Variants in NELL2 observed in about 807,000 individuals in gnomAD.
NELL2 encodes the protein protein kinase C-binding protein NELL2.
NELL2 carries 41 observed loss-of-function variants against 109.6 expected under a neutral mutation model. The observed-to-expected ratio is 0.37, with a 90% CI of 0.29 to 0.49. The LOEUF (loss-of-function observed/expected upper bound fraction) is 0.49, where lower values mean the gene tolerates loss of function less well. Ranked by LOEUF, NELL2 falls within the 20% of genes least tolerant of loss-of-function variation. The pLI is 0.98. For synonymous variants in NELL2, 355 were observed against 344.7 expected (o/e 1.03, Z -0.33); for missense variants, 900 against 1,008.3 (o/e 0.89, Z 1.45).
At chr12:44,587,958 T>G (rs967900011) in intron 15 of NELL2, among the ~76,000 whole-genome samples, 4 of 152,124 alleles carry the variant, frequency 2.6e-5, no homozygotes, top group Admixed American at 1.3e-4. Context: ...GAGACCATCC[T>G]GGCTAACATG....
intron 2 of NELL2, among the ~76,000 whole-genome samples, chr12:44,872,530 A>C (rs1322670443): frequency 6.6e-6 from 1 of 152,174 alleles, no homozygotes; most frequent in Non-Finnish European, 1.5e-5. Context: ...AATTGCATGC[A>C]TCTCAAAATC....
chr12:44,789,742 G>A (rs1942311766), intron 3 of NELL2, among the ~76,000 whole-genome samples: 1 of 151,890 alleles, frequency 6.6e-6, no homozygotes, highest in Non-Finnish European at 1.5e-5. Context: ...GAAGTGAAGG[G>A]AGAAATAGTC....
At chr12:44,525,358 T>C (rs747624585) in intron 16 of NELL2, among the ~76,000 whole-genome samples, 1 of 152,170 alleles carries the variant, frequency 6.6e-6, no homozygotes, top group Non-Finnish European at 1.5e-5. Flanking sequence ...AAAAAGTTGC[T>C]CATAACGATG....
intron 9 of NELL2, among the ~76,000 whole-genome samples, chr12:44,722,719 T>C (rs1020569697): frequency 2.0e-5 from 3 of 152,136 alleles, no homozygotes; most frequent in Non-Finnish European, 4.4e-5. Context: ...CATTCAAAAA[T>C]AGAGTAATAA....
chr12:44,899,620 A>G (rs1202885589), intron 1 of NELL2, among the ~76,000 whole-genome samples: 2 of 152,212 alleles, frequency 1.3e-5, no homozygotes, highest in Non-Finnish European at 2.9e-5. Context: ...TAAACACTAA[A>G]TATGGAAAGG....
intron 19 of NELL2, among the ~76,000 whole-genome samples, chr12:44,512,917 A>G (rs1941065244): frequency 6.6e-6 from 1 of 152,008 alleles, no homozygotes; most frequent in Non-Finnish European, 1.5e-5. Context: ...GGATAAATAT[A>G]ATTAATAATA....
chr12:44,727,986 GAGA>G (rs923324824), intron 9 of NELL2, among the ~76,000 whole-genome samples: 1 of 151,874 alleles, frequency 6.6e-6, no homozygotes, highest in African/African-American at 2.4e-5. Flanking sequence ...CACATTTATT[GAGA>G]AGAATACTGT....
chr12:44,822,047 T>A (rs7305124), intron 2 of NELL2, among the ~76,000 whole-genome samples: 55,874 of 151,756 alleles, frequency 0.37, 10,659 homozygotes, highest in South Asian at 0.58. Context: ...ATTACAGGCA[T>A]GAGCCACCGC....
intron 9 of NELL2, among the ~76,000 whole-genome samples, chr12:44,770,976 T>C (rs1419753287): frequency 6.6e-6 from 1 of 152,208 alleles, no homozygotes; most frequent in Non-Finnish European, 1.5e-5. Context: ...TCAGTAACAT[T>C]TGATTTCCTA....
chr12:44,519,690 T>C (rs1442535573), intron 19 of NELL2, among the ~76,000 whole-genome samples: 1 of 152,170 alleles, frequency 6.6e-6, no homozygotes, highest in Non-Finnish European at 1.5e-5. Context: ...AACATGAGGT[T>C]TGTTGTTTCA....
intron 9 of NELL2, among the ~76,000 whole-genome samples, chr12:44,738,566 C>A (rs1329993852): frequency 2.0e-5 from 3 of 151,034 alleles, no homozygotes; most frequent in Non-Finnish European, 4.4e-5. Flanking sequence ...CACTGAAAGA[C>A]AAATCCTGCA....
At chr12:44,906,485 TA>T (rs1945720462) in intron 1 of NELL2, among the ~76,000 whole-genome samples, 1 of 151,936 alleles carries the variant, frequency 6.6e-6, no homozygotes, top group Admixed American at 6.6e-5. Context: ...ATAATCCAGG[TA>T]AAAAATGATG....
At chr12:44,771,884 T>C (rs746440696) in intron 9 of NELL2, among the ~76,000 whole-genome samples, 3 of 152,192 alleles carry the variant, frequency 2.0e-5, no homozygotes, top group Non-Finnish European at 4.4e-5. Flanking sequence ...CCTGAAAGCA[T>C]TAAAGGAAGA....
chr12:44,862,236 G>A (rs1383155461), intron 2 of NELL2, among the ~76,000 whole-genome samples: 1 of 152,166 alleles, frequency 6.6e-6, no homozygotes, highest in African/African-American at 2.4e-5. Context: ...AGCTAACTTT[G>A]CCATGAAATA....
At chr12:44,568,315 A>G (rs1200979855) in intron 15 of NELL2, among the ~76,000 whole-genome samples, 4 of 152,158 alleles carry the variant, frequency 2.6e-5, no homozygotes, top group Admixed American at 1.3e-4. Flanking sequence ...TGTGTTTCCA[A>G]ATTATACTAC....
intron 1 of NELL2, among the ~76,000 whole-genome samples, chr12:44,921,349 G>C (rs1418185279): frequency 6.6e-6 from 1 of 152,132 alleles, no homozygotes; most frequent in Non-Finnish European, 1.5e-5. Flanking sequence ...ATGTAAGAAA[G>C]ACACAGTGGC....
intron 3 of NELL2, among the ~76,000 whole-genome samples, chr12:44,791,227 T>TATATATATATATATATA (rs1257395850): frequency 1.1e-5 from 1 of 94,304 alleles, no homozygotes; most frequent in Non-Finnish European, 2.1e-5. Context: ...TATATATATA[T>TATATATATATATATATA]GATGGAATAC....
intron 15 of NELL2, among the ~76,000 whole-genome samples, chr12:44,590,391 A>G (rs542287857): frequency 2.7e-4 from 41 of 152,318 alleles, no homozygotes; most frequent in Middle Eastern, 3.4e-3. Flanking sequence ...ACAGGTATAT[A>G]GTTTTCAAAA....
intron 9 of NELL2, among the ~76,000 whole-genome samples, chr12:44,760,302 A>G (rs1941068231): frequency 6.6e-6 from 1 of 152,194 alleles, no homozygotes; most frequent in Admixed American, 6.5e-5. Flanking sequence ...ATAACCACAG[A>G]AAAAATTTTA....
Sources: allele counts gnomAD v4.1 joint callset (sites outside exome capture counted in the v4.1 genomes callset), GRCh38; gene constraint gnomAD v4.1.1; transcripts MANE v1.5; gene names NCBI Gene and HGNC (gene_info 2026-07-23, HGNC 2026-07-21).